TCTN2: variants seen among roughly 807,000 people sequenced by gnomAD.
TCTN2 encodes tectonic-2.
In TCTN2, 66 loss-of-function variants were observed where a neutral mutation model predicts 83.4. The observed-to-expected ratio is 0.79, with a 90% CI of 0.65 to 0.97. The LOEUF (loss-of-function observed/expected upper bound fraction) is 0.97. TCTN2 is among the 50% of genes least tolerant of loss of function. The pLI, the probability that TCTN2 is intolerant of heterozygous loss-of-function variation, is 0.00. For missense variants in TCTN2, 794 were observed against 858.1 expected, an observed-to-expected ratio of 0.93 and a Z score of 0.93; for synonymous variants, 301 against 326.7, an observed-to-expected ratio of 0.92 and a Z score of 0.85.
intron 3 of TCTN2, among the ~76,000 whole-genome samples, chr12:123,673,276 T>C (rs1202864807): frequency 6.6e-6 from 1 of 152,180 alleles, no homozygotes; most frequent in East Asian, 1.9e-4. Context: ...CTGAGGATTG[T>C]TTTCATTGAC....
At chr12:123,694,424 T>C (rs1956083540) in intron 9 of TCTN2, among the ~76,000 whole-genome samples, 1 of 152,208 alleles carries the variant, frequency 6.6e-6, no homozygotes, top group Non-Finnish European at 1.5e-5. Context: ...GTGTTGTACT[T>C]CTCAAATTTA....
chr12:123,707,304 TG>T, intron 17 of TCTN2: 1 of 615,416 alleles, frequency 1.6e-6, no homozygotes, highest in Non-Finnish European at 2.8e-6. Flanking sequence ...TGGAGTGCAG[TG>T]GCACAATCTC....
chr12:123,690,447 G>C, intron 7 of TCTN2, 86 bp from the exon 8 acceptor site: 1 of 1,590,102 alleles, frequency 6.3e-7, no homozygotes, highest in South Asian at 1.1e-5. Context: ...GCAGGCTGCA[G>C]AAAGACCAGT....
rs767321199 is a variant in TCTN2 at position 123,671,218 on chromosome 12, G to C, written c.-23G>C. 3 of 1,606,110 alleles carry C rather than the reference G, an allele frequency of 1.9e-6. No individual in the cohort carries two copies. Among genetic ancestry groups the C allele is most frequent in the African/African-American group, 1.3e-5 (1 of 74,814 alleles). On this transcript the variant is annotated 5_prime_UTR_variant, in exon 1 of 18. Coordinates refer to ENST00000303372, the MANE Select transcript of TCTN2 (RefSeq NM_024809.5). The stretch of plus-strand genomic sequence containing the variant: ...TCTAATGAGGGCGCGGTTCTGCTGT[G>C]CCCGGCCCGCGAGGTCTAAGGCATG...
rs1955862717 is a variant in TCTN2 at position 123,679,178 on chromosome 12, G to A, written c.464-11G>A. On this transcript the variant is annotated splice_polypyrimidine_tract_variant and intron_variant, in intron 4 of 17. Transcript: ENST00000303372. ...TCTTAGCTGAATTTTTCTGTTGTGTGTACTTTTCAGAGAACGTGACTGTCA... is the reference window on the plus strand; with the variant it reads ...TCTTAGCTGAATTTTTCTGTTGTGTATACTTTTCAGAGAACGTGACTGTCA... The A allele has an allele frequency of 6.2e-7, 1 of 1,606,302 alleles. No homozygotes were observed. Among genetic ancestry groups the A allele is most frequent in the Non-Finnish European group, 8.5e-7 (1 of 1,173,006 alleles).
At chr12:123,700,947 CTAAAAA>C (rs1337584523) in intron 14 of TCTN2, among the ~76,000 whole-genome samples, 1 of 152,062 alleles carries the variant, frequency 6.6e-6, no homozygotes, top group East Asian at 1.9e-4. Context: ...GATCCTGACT[CTAAAAA>C]TAAAACAAAA....
chr12:123,696,433 C>G lies in TCTN2; in HGVS notation c.1331C>G (p.Pro444Arg). 1 of 1,614,126 alleles carries G rather than the reference C, an allele frequency of 6.2e-7. No homozygotes were observed. Reference protein sequence around the residue: ...SGNPGYQLGKPVRALNINRMN... With the variant: ...SGNPGYQLGKRVRALNINRMN... ...TGTCTAGGTTACCAACTTGGCAAGCCTGTCCGAGCTCTAAATATCAACAGG... is the reference window on the plus strand; with the variant it reads ...TGTCTAGGTTACCAACTTGGCAAGCGTGTCCGAGCTCTAAATATCAACAGG... The change falls in exon 12 of 18, where the codon CCT becomes CGT. Residue 444 changes from proline (P) to arginine (R), a missense_variant. Coordinates refer to ENST00000303372, the MANE Select transcript of TCTN2 (RefSeq NM_024809.5).
intron 14 of TCTN2, among the ~76,000 whole-genome samples, chr12:123,701,464 C>T (rs990260146): frequency 6.6e-6 from 1 of 151,950 alleles, no homozygotes; most frequent in African/African-American, 2.4e-5. Flanking sequence ...ATCGGCTGGG[C>T]ACGGTGGCTC....
intron 14 of TCTN2, among the ~76,000 whole-genome samples, chr12:123,700,441 G>GT (rs140917000): frequency 5.9e-5 from 9 of 151,320 alleles, no homozygotes; most frequent in Admixed American, 5.9e-4. Context: ...TGTTTGGTTG[G>GT]TTTTTTTTGA....
chr12:123,699,973 CATGTCTTTTTCTTCTTATTCACA>C, intron 14 of TCTN2, 163 bp downstream of exon 14: 1 of 689,634 alleles, frequency 1.5e-6, no homozygotes, highest in African/African-American at 1.8e-5. Context: ...GGAAACTTGG[CATGTCTTTTTCTTCTTATTCACA>C]ATGACTTTTT....
At chr12:123,686,593 C>T (rs754613667) in intron 5 of TCTN2, among the ~76,000 whole-genome samples, 2 of 152,174 alleles carry the variant, frequency 1.3e-5, no homozygotes, top group Non-Finnish European at 1.5e-5. Context: ...CTTGGTAAAA[C>T]TGTGGTTCCC....
At position 123,692,732 on chromosome 12, in the gene TCTN2, T is replaced by C. The variant is rs1435329737; in HGVS notation, c.1099+9T>C. The C allele has an allele frequency of 1.9e-6, 3 of 1,604,138 alleles. No individual in the cohort carries two copies. The highest frequency in any genetic ancestry group is 2.7e-5 in the African/African-American group (2 of 74,624). On this transcript the variant is annotated intron_variant, in intron 9 of 17. Coordinates refer to ENST00000303372, the MANE Select transcript of TCTN2 (RefSeq NM_024809.5). The stretch of plus-strand genomic sequence containing the variant: ...ATTCATCACCAATACAGGTATTTAA[T>C]GTTACACTTTGACGTCATTTCTTCA...
intron 14 of TCTN2, 96 bp from the exon 15 acceptor site, chr12:123,704,436 C>T (rs1410466666): frequency 3.1e-6 from 4 of 1,294,060 alleles, no homozygotes; most frequent in Non-Finnish European, 4.3e-6. Flanking sequence ...TAATGTGATG[C>T]CTGCCTGATA....
At chr12:123,671,398 C>G in intron 1 of TCTN2, 76 bp downstream of exon 1, 1 of 1,593,566 alleles carries the variant, frequency 6.3e-7, no homozygotes, top group African/African-American at 1.3e-5. Context: ...GACTTGGACT[C>G]CCCCGGGAGC....
At chr12:123,706,705 C>A in intron 15 of TCTN2, 21 bp from the exon 16 acceptor site, 1 of 1,613,778 alleles carries the variant, frequency 6.2e-7, no homozygotes, top group South Asian at 1.1e-5. Flanking sequence ...CTATGCTGAC[C>A]ATGTGATCTT....
chr12:123,703,806 G>A (rs1198680735), intron 14 of TCTN2, among the ~76,000 whole-genome samples: 1 of 152,092 alleles, frequency 6.6e-6, no homozygotes, highest in Non-Finnish European at 1.5e-5. Context: ...TGTTAGTATG[G>A]ATTTTAAATG....
chr12:123,706,343 G>A (rs1277138438), intron 15 of TCTN2, among the ~76,000 whole-genome samples: 1 of 152,132 alleles, frequency 6.6e-6, no homozygotes, highest in Admixed American at 6.5e-5. Flanking sequence ...TCTGTGCCTC[G>A]AACGTGGAAA....
In TCTN2 at chr12:123,694,841, G is replaced by C. The variant is rs780798854; in HGVS notation, c.1100-1G>C. 6.2e-7 allele frequency: 1 copy of C among 1,611,490 alleles called. No homozygotes were observed. The highest frequency in any genetic ancestry group is 8.5e-7 in the Non-Finnish European group (1 of 1,178,114). On this transcript the variant is annotated splice_acceptor_variant, in intron 9 of 17. Transcript: ENST00000303372. LOFTEE classifies it high-confidence loss of function. ...TTATGAACATATTCTTGTATTTGCA[G>C]AAACTCCTTTAAATAACGGATCAAC...
At chr12:123,703,939 A>C (rs1956200092) in intron 14 of TCTN2, among the ~76,000 whole-genome samples, 1 of 150,934 alleles carries the variant, frequency 6.6e-6, no homozygotes, top group East Asian at 2.0e-4. Context: ...CTGAATCATG[A>C]TTTATGGCTT....
Sources: allele counts gnomAD v4.1 joint callset (sites outside exome capture counted in the v4.1 genomes callset), GRCh38; gene constraint gnomAD v4.1.1; transcripts MANE v1.5; gene names NCBI Gene and HGNC (gene_info 2026-07-23, HGNC 2026-07-21).